The following C1orf21 variants were observed in gnomAD, a reference collection of about 807,000 sequenced individuals.
C1orf21 encodes the protein chromosome 1 open reading frame 21.
C1orf21 carries 3 observed loss-of-function variants against 18.7 expected under a neutral mutation model. The ratio of observed to expected loss-of-function variants is 0.16; its 90% CI spans 0.07 to 0.42. The LOEUF (loss-of-function observed/expected upper bound fraction) is 0.42, where lower values mean the gene tolerates loss of function less well. Ranked by LOEUF, C1orf21 falls within the 10% of genes least tolerant of loss-of-function variation. C1orf21 has a pLI of 0.99. For synonymous variants in C1orf21, 41 were observed against 46.4 expected (o/e 0.88, Z 0.47); for missense variants, 104 against 143.6 (o/e 0.72, Z 1.41).
intron 1 of C1orf21, among the ~76,000 whole-genome samples, chr1:184,401,301 A>G (rs1365821803): frequency 6.6e-6 from 1 of 151,998 alleles, no homozygotes; most frequent in East Asian, 1.9e-4. Flanking sequence ...GCTCACTGCA[A>G]CCTCCACCTC....
intron 1 of C1orf21, among the ~76,000 whole-genome samples, chr1:184,409,485 G>A (rs74131663): frequency 0.072 from 10,956 of 152,122 alleles, 527 homozygotes; most frequent in African/African-American, 0.14. Flanking sequence ...GAAGGGATTC[G>A]TAATGGATCT....
At chr1:184,534,562 G>A (rs142388693) in intron 3 of C1orf21, among the ~76,000 whole-genome samples, 1 of 151,194 alleles carries the variant, frequency 6.6e-6, no homozygotes, top group Non-Finnish European at 1.5e-5. Context: ...ATTTGGTTGT[G>A]TTTTTTTTTA....
At chr1:184,551,787 A>C (rs1299741860) in intron 3 of C1orf21, among the ~76,000 whole-genome samples, 1 of 152,066 alleles carries the variant, frequency 6.6e-6, no homozygotes, top group Non-Finnish European at 1.5e-5. Flanking sequence ...TGGGAGCATC[A>C]CTCGAGGCTA....
chr1:184,622,642 G>A lies in C1orf21; in HGVS notation c.*3086G>A, dbSNP rs1031161039. Reference sequence around the variant, plus strand: ...CAAAGAAGGTATAAAGTCCAGAGATGAGAAAACTGGGTCAGCCCTCAGAAA... The same window carrying A: ...CAAAGAAGGTATAAAGTCCAGAGATAAGAAAACTGGGTCAGCCCTCAGAAA... On this transcript the variant is annotated 3_prime_UTR_variant, in exon 6 of 6. Transcript: ENST00000235307. 3 of 152,864 alleles carry A rather than the reference G, an allele frequency of 2.0e-5. No homozygotes were observed. The highest frequency in any genetic ancestry group is 4.4e-5 in the Non-Finnish European group (3 of 68,208). The allele number at this position is 152,864 out of a possible 1,614,324, so 9.5% of individuals were successfully genotyped here.
chr1:184,391,383 G>A (rs1655968417), intron 1 of C1orf21, among the ~76,000 whole-genome samples: 1 of 152,170 alleles, frequency 6.6e-6, no homozygotes, highest in Non-Finnish European at 1.5e-5. Context: ...TAAAATGGAA[G>A]CTGAGAAGAC....
At chr1:184,603,094 C>T (rs1030642878) in intron 5 of C1orf21, among the ~76,000 whole-genome samples, 3 of 152,190 alleles carry the variant, frequency 2.0e-5, no homozygotes, top group Admixed American at 6.5e-5. Flanking sequence ...TTTTAAGACT[C>T]CATGGAGCCT....
chr1:184,543,190 T>G (rs533145298), intron 3 of C1orf21, among the ~76,000 whole-genome samples: 49 of 152,118 alleles, frequency 3.2e-4, no homozygotes, highest in African/African-American at 1.0e-3. Context: ...CACAAAAAAA[T>G]TAAAAAATTA....
chr1:184,460,519 T>A (rs928498009), intron 1 of C1orf21, among the ~76,000 whole-genome samples: 8 of 115,824 alleles, frequency 6.9e-5, no homozygotes, highest in African/African-American at 2.3e-4. Flanking sequence ...GGTGACTACC[T>A]CTCTTTCTAA....
chr1:184,585,499 A>G (rs1471433897), intron 3 of C1orf21, among the ~76,000 whole-genome samples: 1 of 152,218 alleles, frequency 6.6e-6, no homozygotes, highest in African/African-American at 2.4e-5. Context: ...TCAGGGGTAC[A>G]CATGGAGGTT....
chr1:184,604,450 T>C (rs2102005045), intron 5 of C1orf21, among the ~76,000 whole-genome samples: 1 of 152,336 alleles, frequency 6.6e-6, no homozygotes, highest in African/African-American at 2.4e-5. Context: ...GCTGCCATCG[T>C]CATTCCATGA....
At chr1:184,492,172 A>G (rs530856826) in intron 2 of C1orf21, among the ~76,000 whole-genome samples, 2 of 152,368 alleles carry the variant, frequency 1.3e-5, no homozygotes, top group East Asian at 3.9e-4. Context: ...TGTAAAGCCC[A>G]GTGAGCCCAG....
At chr1:184,579,620 C>T (rs187089955) in intron 3 of C1orf21, among the ~76,000 whole-genome samples, 23 of 148,586 alleles carry the variant, frequency 1.5e-4, no homozygotes, top group Non-Finnish European at 2.4e-4. Context: ...AAGTGATTCT[C>T]CTGCCTCAGC....
chr1:184,470,641 G>A (rs768333529), intron 1 of C1orf21, among the ~76,000 whole-genome samples: 6 of 152,192 alleles, frequency 3.9e-5, no homozygotes, highest in Non-Finnish European at 8.8e-5. Context: ...TACTTTGGGA[G>A]GCCAAGATGG....
chr1:184,512,069 A>G (rs899380366), intron 3 of C1orf21, among the ~76,000 whole-genome samples: 1 of 152,208 alleles, frequency 6.6e-6, no homozygotes, highest in South Asian at 2.1e-4. Flanking sequence ...AAAGCCTCTT[A>G]AGACTCCAAG....
intron 3 of C1orf21, among the ~76,000 whole-genome samples, chr1:184,551,742 C>T (rs931509528): frequency 1.3e-5 from 2 of 152,162 alleles, no homozygotes; most frequent in Non-Finnish European, 2.9e-5. Flanking sequence ...TGCAGTGGCT[C>T]ATGCCTATAA....
intron 3 of C1orf21, among the ~76,000 whole-genome samples, chr1:184,515,969 C>T (rs546626951): frequency 1.2e-3 from 189 of 152,194 alleles, no homozygotes; most frequent in African/African-American, 4.4e-3. Context: ...CCTGCCACCA[C>T]GTCCGGCTAA....
intron 1 of C1orf21, among the ~76,000 whole-genome samples, chr1:184,395,621 G>A (rs751948178): frequency 6.6e-6 from 1 of 151,966 alleles, no homozygotes; most frequent in Non-Finnish European, 1.5e-5. Flanking sequence ...ATGATATGTG[G>A]TGAATAGACA....
At chr1:184,462,128 G>A (rs193251255) in intron 1 of C1orf21, among the ~76,000 whole-genome samples, 3 of 152,294 alleles carry the variant, frequency 2.0e-5, no homozygotes, top group African/African-American at 7.2e-5. Context: ...AAACACTAAA[G>A]TGTCACCTTC....
At chr1:184,416,654 A>G (rs1428208937) in intron 1 of C1orf21, among the ~76,000 whole-genome samples, 3 of 152,198 alleles carry the variant, frequency 2.0e-5, no homozygotes, top group Non-Finnish European at 2.9e-5. Context: ...GAAAAGCAGT[A>G]TTACTCAGCA....
Sources: gnomAD v4.1 joint callset for allele counts (sites outside exome capture counted in the v4.1 genomes callset) on GRCh38, gnomAD v4.1.1 for gene constraint, MANE v1.5 for transcripts, NCBI Gene and HGNC (gene_info 2026-07-23, HGNC 2026-07-21) for gene names.